FHIT: variants seen among roughly 807,000 people sequenced by gnomAD.
FHIT encodes fragile histidine triad diadenosine triphosphatase, also known as bis(5'-adenosyl)-triphosphatase.
In FHIT, 19 loss-of-function variants were observed where a neutral mutation model predicts 17.9. That is an observed-to-expected ratio of 1.06 (90% CI 0.74 to 1.56). The LOEUF (loss-of-function observed/expected upper bound fraction) is 1.56, where lower values mean the gene tolerates loss of function less well. Ranked by LOEUF, FHIT falls within the 40% of genes most tolerant of loss-of-function variation. The probability of loss-of-function intolerance (pLI) is 0.00; values close to 1 mark genes in which losing one functional copy is unlikely to be tolerated. For missense variants in FHIT, 248 were observed against 189.2 expected, an observed-to-expected ratio of 1.31 and a Z score of -1.82; for synonymous variants, 81 against 69.7, an observed-to-expected ratio of 1.16 and a Z score of -0.81.
chr3:60,213,256 G>A (rs192645274), intron 5 of FHIT, among the ~76,000 whole-genome samples: 67 of 152,052 alleles, frequency 4.4e-4, no homozygotes, highest in East Asian at 1.5e-3. Flanking sequence ...GCTTCTTTCC[G>A]TCTCCCAATT....
At chr3:60,262,756 C>A (rs965493473) in intron 5 of FHIT, among the ~76,000 whole-genome samples, 1 of 151,692 alleles carries the variant, frequency 6.6e-6, no homozygotes, top group African/African-American at 2.4e-5. Flanking sequence ...CAAAACAATC[C>A]CAGCTGTGAA....
At chr3:60,531,713 C>A (rs1488085601) in intron 5 of FHIT, among the ~76,000 whole-genome samples, 1 of 152,134 alleles carries the variant, frequency 6.6e-6, no homozygotes, top group Non-Finnish European at 1.5e-5. Flanking sequence ...TAAAAGGGCG[C>A]TTTTATGTAT....
chr3:61,040,029 G>T (rs975105257), intron 3 of FHIT, among the ~76,000 whole-genome samples: 1 of 152,096 alleles, frequency 6.6e-6, no homozygotes, highest in Admixed American at 6.5e-5. Flanking sequence ...GTCCTTGTGG[G>T]TCTCAATCAT....
At position 60,073,293 on chromosome 3, in the gene FHIT, CTG is replaced by C. The variant is rs374798941; in HGVS notation, c.104-59143_104-59142del. On this transcript the variant is annotated intron_variant, in intron 5 of 9. Coordinates refer to ENST00000492590, the MANE Select transcript of FHIT (RefSeq NM_002012.4). ...CCCTTTAATATGTCACATTTTAAGTCTGTATATAACAAAACTATTGGGAAAGG... is the reference window on the plus strand; with the variant it reads ...CCCTTTAATATGTCACATTTTAAGTCTATATAACAAAACTATTGGGAAAGG... Among the ~76,000 whole-genome samples, 134 of 152,162 alleles carry C rather than the reference CTG, an allele frequency of 8.8e-4. 4 individuals carry two copies. The South Asian group carries it at 0.027, about 31-fold the overall frequency.
chr3:61,152,872 G>A (rs1454011752), intron 2 of FHIT, among the ~76,000 whole-genome samples: 5 of 152,064 alleles, frequency 3.3e-5, no homozygotes, highest in Admixed American at 6.6e-5. Flanking sequence ...GGCTGGGTGC[G>A]GTGGCTCACA....
chr3:59,856,322 T>A (rs559070534), intron 8 of FHIT, among the ~76,000 whole-genome samples: 1 of 152,094 alleles, frequency 6.6e-6, no homozygotes, highest in African/African-American at 2.4e-5. Flanking sequence ...ATTGTTAAAA[T>A]TTTTTTTGCA....
chr3:60,347,767 T>C (rs1280149383), intron 5 of FHIT, among the ~76,000 whole-genome samples: 3 of 150,414 alleles, frequency 2.0e-5, no homozygotes, highest in Non-Finnish European at 4.4e-5. Context: ...TATCTTTTCA[T>C]TTTTTTTTGA....
Position 60,844,904 on chromosome 3 carries a change from C to T in FHIT, c.-110-22893G>A, listed in dbSNP as rs377058131. ...CCCTATGACCCCCTGATCATTTTCC[C>T]TGAGGGTGCATATTTATTCACTAAC... On this transcript the variant is annotated intron_variant, in intron 3 of 9. Transcript: ENST00000492590. 4.6e-4 allele frequency among the ~76,000 whole-genome samples: 70 copies of T among 152,194 alleles called. 1 individual carries two copies. Among genetic ancestry groups the T allele is most frequent in the Middle Eastern group, 3.4e-3 (1 of 294 alleles).
chr3:60,022,111 CAT>C (rs1265413284), intron 5 of FHIT, among the ~76,000 whole-genome samples: 3 of 152,168 alleles, frequency 2.0e-5, no homozygotes, highest in Non-Finnish European at 4.4e-5. Flanking sequence ...ACACAGGACA[CAT>C]GTTTCAGAGG....
chr3:60,280,829 AAAGT>A (rs1164534289), intron 5 of FHIT, among the ~76,000 whole-genome samples: 7 of 152,190 alleles, frequency 4.6e-5, no homozygotes, highest in Admixed American at 1.3e-4. Context: ...GACCTAGGTA[AAAGT>A]AAGACAAGAA....
chr3:60,817,047 T>C (rs1420449330), intron 4 of FHIT, among the ~76,000 whole-genome samples: 1 of 152,018 alleles, frequency 6.6e-6, no homozygotes, highest in African/African-American at 2.4e-5. Flanking sequence ...GTGGTTTTTC[T>C]AGGAATTAAA....
At chr3:60,957,201 AAC>A (rs1355176101) in intron 3 of FHIT, among the ~76,000 whole-genome samples, 4 of 130,970 alleles carry the variant, frequency 3.1e-5, no homozygotes, top group Non-Finnish European at 6.6e-5. Flanking sequence ...GAGCCAGAAA[AAC>A]ACAGCACCAT....
chr3:60,339,912 T>G (rs1710433021), intron 5 of FHIT, among the ~76,000 whole-genome samples: 1 of 152,130 alleles, frequency 6.6e-6, no homozygotes, highest in Non-Finnish European at 1.5e-5. Context: ...CTTAGAATCT[T>G]TATTTCCAAA....
chr3:60,516,067 G>A (rs902406057), intron 5 of FHIT, among the ~76,000 whole-genome samples: 2 of 152,158 alleles, frequency 1.3e-5, no homozygotes, highest in Admixed American at 1.3e-4. Flanking sequence ...AAGGAGTGGG[G>A]AAACATACTA....
chr3:60,957,810 C>G (rs1447308680), intron 3 of FHIT, among the ~76,000 whole-genome samples: 2 of 152,196 alleles, frequency 1.3e-5, no homozygotes, highest in Non-Finnish European at 2.9e-5. Flanking sequence ...CACAGCACAA[C>G]TGATATTGTA....
chr3:59,871,640 G>A (rs954301554), intron 8 of FHIT, among the ~76,000 whole-genome samples: 2 of 152,198 alleles, frequency 1.3e-5, no homozygotes, highest in Admixed American at 1.3e-4. Context: ...CAGCCAGGAA[G>A]CTACTTGGAG....
chr3:61,107,521 A>G (rs2036025952), intron 2 of FHIT, among the ~76,000 whole-genome samples: 1 of 152,152 alleles, frequency 6.6e-6, no homozygotes, highest in Non-Finnish European at 1.5e-5. Context: ...TGGTGGTTCT[A>G]ATTTTTTGAG....
At chr3:59,851,763 A>G (rs1341226779) in intron 8 of FHIT, among the ~76,000 whole-genome samples, 1 of 152,206 alleles carries the variant, frequency 6.6e-6, no homozygotes, top group Non-Finnish European at 1.5e-5. Flanking sequence ...GTGATGCTAC[A>G]TGCATTATTA....
chr3:60,564,027 G>T (rs1426974446), intron 4 of FHIT, among the ~76,000 whole-genome samples: 1 of 152,120 alleles, frequency 6.6e-6, no homozygotes. Flanking sequence ...TTAGTGCCTG[G>T]CTTCAAAGCT....
Sources: allele counts gnomAD v4.1 joint callset (sites outside exome capture counted in the v4.1 genomes callset), GRCh38; gene constraint gnomAD v4.1.1; transcripts MANE v1.5; gene names NCBI Gene and HGNC (gene_info 2026-07-23, HGNC 2026-07-21).